The following RXFP1 variants were observed in gnomAD, a reference collection of about 807,000 sequenced individuals.
RXFP1 encodes the protein relaxin receptor 1.
A neutral mutation model predicts 89.8 loss-of-function variants in RXFP1; 73 were observed. That is an observed-to-expected ratio of 0.81 (90% CI 0.67 to 0.99). The LOEUF (loss-of-function observed/expected upper bound fraction) is 0.99. Ranked by LOEUF, RXFP1 falls within the 50% of genes least tolerant of loss-of-function variation. The pLI is 0.00. For synonymous variants in RXFP1, 277 were observed against 305.5 expected (o/e 0.91, Z 0.97); for missense variants, 793 against 895.5 (o/e 0.89, Z 1.46).
chr4:158,647,254 C>A, intron 16 of RXFP1, 53 bp downstream of exon 16: 1 of 1,423,738 alleles, frequency 7.0e-7, no homozygotes, highest in Non-Finnish European at 9.5e-7. Flanking sequence ...ATCTTCCAAC[C>A]AGTTTTTGTT....
At chr4:158,577,857 G>A (rs866796240) in intron 2 of RXFP1, among the ~76,000 whole-genome samples, 3 of 152,032 alleles carry the variant, frequency 2.0e-5, no homozygotes, top group African/African-American at 7.2e-5. Context: ...CTCTTATTTA[G>A]TACATATTAA....
At chr4:158,546,633 CTAAT>C (rs1460558960) in intron 1 of RXFP1, among the ~76,000 whole-genome samples, 14 of 152,264 alleles carry the variant, frequency 9.2e-5, no homozygotes, top group South Asian at 8.3e-4. Flanking sequence ...CCATCGATAC[CTAAT>C]TTATTGAGAG....
At chr4:158,638,639 C>G (rs1468108162) in intron 13 of RXFP1, among the ~76,000 whole-genome samples, 1 of 151,828 alleles carries the variant, frequency 6.6e-6, no homozygotes, top group Admixed American at 6.6e-5. Context: ...GAGATGCTGC[C>G]TCTACAAAAA....
chr4:158,573,004 C>G (rs1755422270), intron 2 of RXFP1, 169 bp downstream of exon 2: 1 of 1,048,596 alleles, frequency 9.5e-7, no homozygotes, highest in South Asian at 1.9e-5. Context: ...CCACTCTTTT[C>G]TTTTCTTGTT....
chr4:158,632,379 A>G (rs915454564), intron 11 of RXFP1, among the ~76,000 whole-genome samples: 11 of 152,366 alleles, frequency 7.2e-5, no homozygotes, highest in African/African-American at 2.6e-4. Flanking sequence ...TATAACAAAT[A>G]CATCTATTCA....
intron 1 of RXFP1, among the ~76,000 whole-genome samples, chr4:158,563,535 C>G (rs1172260929): frequency 8.1e-6 from 1 of 122,958 alleles, no homozygotes; most frequent in South Asian, 2.6e-4. Context: ...CACACACACA[C>G]ACCCCAACAG....
chr4:158,639,146 C>T (rs1055384323), intron 13 of RXFP1, 114 bp from the exon 14 acceptor site: 1 of 596,968 alleles, frequency 1.7e-6, no homozygotes, highest in Non-Finnish European at 3.0e-6. Flanking sequence ...TTATTTTGTT[C>T]AGAGTAAGTG....
chr4:158,637,297 T>C (rs1270555692), intron 12 of RXFP1, among the ~76,000 whole-genome samples: 1 of 152,196 alleles, frequency 6.6e-6, no homozygotes, highest in Non-Finnish European at 1.5e-5. Flanking sequence ...AGTTCAATTT[T>C]TGATTTTTGA....
At position 158,559,571 on chromosome 4, in the gene RXFP1, T is replaced by A. The variant is rs911474365; in HGVS notation, c.50-13127T>A. 5.3e-5 allele frequency among the ~76,000 whole-genome samples: 8 copies of A among 152,140 alleles called. No homozygotes were observed. In the South Asian group the frequency reaches 6.2e-4, roughly 12 times the overall value. ...CCAGGAATAGATGTGATTTAAAAAA[T>A]TTTTTCATATACCTATTACTTATCC... On this transcript the variant is annotated intron_variant, in intron 1 of 17. Transcript: ENST00000307765.
chr4:158,626,122 AG>A (rs767316450), intron 9 of RXFP1, among the ~76,000 whole-genome samples: 96 of 110,272 alleles, frequency 8.7e-4, no homozygotes, highest in Non-Finnish European at 1.7e-3. Context: ...ATAGATAGAT[AG>A]ATAGATAGAT....
chr4:158,596,844 A>T (rs1760710406), intron 3 of RXFP1, among the ~76,000 whole-genome samples: 1 of 152,228 alleles, frequency 6.6e-6, no homozygotes, highest in Non-Finnish European at 1.5e-5. Flanking sequence ...TTGTAAAGCA[A>T]AACAAACAAA....
At chr4:158,570,301 C>A (rs1346890165) in intron 1 of RXFP1, among the ~76,000 whole-genome samples, 1 of 152,092 alleles carries the variant, frequency 6.6e-6, no homozygotes, top group Non-Finnish European at 1.5e-5. Flanking sequence ...GTATAAAAAA[C>A]CAGAATGGGA....
intron 1 of RXFP1, among the ~76,000 whole-genome samples, chr4:158,558,479 A>G (rs1264573997): frequency 6.6e-6 from 1 of 152,212 alleles, no homozygotes; most frequent in Admixed American, 6.5e-5. Context: ...TAGCATATTC[A>G]ATATTTTAAT....
chr4:158,591,198 TGGG>T (rs1157885472), intron 2 of RXFP1, among the ~76,000 whole-genome samples: 1 of 152,120 alleles, frequency 6.6e-6, no homozygotes, highest in Non-Finnish European at 1.5e-5. Context: ...CATTCTAAAG[TGGG>T]GGTAGAATAA....
chr4:158,644,705 T>A (rs1469384051), intron 14 of RXFP1, among the ~76,000 whole-genome samples: 1 of 152,266 alleles, frequency 6.6e-6, no homozygotes, highest in East Asian at 1.9e-4. Flanking sequence ...TTTGCTACTC[T>A]CACCCACACA....
At chr4:158,617,231 G>C (rs375966935) in intron 9 of RXFP1, 26 bp downstream of exon 9, 2 of 1,540,174 alleles carry the variant, frequency 1.3e-6, no homozygotes, top group African/African-American at 2.8e-5. Context: ...TTTTTTTAAA[G>C]AACTCAACTA....
intron 1 of RXFP1, among the ~76,000 whole-genome samples, chr4:158,549,317 C>A (rs758783511): frequency 2.6e-5 from 4 of 152,234 alleles, no homozygotes; most frequent in Non-Finnish European, 5.9e-5. Flanking sequence ...CCTTTAAGGA[C>A]TTCTCTGTGT....
intron 2 of RXFP1, 165 bp downstream of exon 2, chr4:158,573,000 T>C: frequency 1.9e-6 from 2 of 1,066,130 alleles, no homozygotes; most frequent in Admixed American, 3.3e-5. Flanking sequence ...ATATCCACTC[T>C]TTTCTTTTCT....
chr4:158,552,140 T>A (rs1413039309), intron 1 of RXFP1, among the ~76,000 whole-genome samples: 1 of 152,136 alleles, frequency 6.6e-6, no homozygotes, highest in Admixed American at 6.6e-5. Context: ...AGGTGTGAAA[T>A]GGAAATGCTG....
Sources: gnomAD v4.1 joint callset for allele counts (sites outside exome capture counted in the v4.1 genomes callset) on GRCh38, gnomAD v4.1.1 for gene constraint, MANE v1.5 for transcripts, NCBI Gene and HGNC (gene_info 2026-07-23, HGNC 2026-07-21) for gene names.